Variants in TNRC6C observed in about 807,000 individuals in gnomAD.
TNRC6C encodes the protein trinucleotide repeat-containing gene 6C protein.
In TNRC6C, 20 loss-of-function variants were observed where a neutral mutation model predicts 153.7. The observed-to-expected ratio is 0.13, with a 90% confidence interval of 0.09 to 0.19. The LOEUF (loss-of-function observed/expected upper bound fraction) is 0.19. Ranked by LOEUF, TNRC6C falls within the 10% of genes least tolerant of loss-of-function variation. The probability of loss-of-function intolerance (pLI) is 1.00; values close to 1 mark genes in which losing one functional copy is unlikely to be tolerated. For missense variants in TNRC6C, 1,987 were observed against 2,172.0 expected (o/e 0.91, Z 1.69); for synonymous variants, 811 against 841.4 (o/e 0.96, Z 0.63).
At chr17:78,006,368 G>T (rs559544872) in intron 1 of TNRC6C, among the ~76,000 whole-genome samples, 16 of 152,310 alleles carry the variant, frequency 1.1e-4, no homozygotes, top group African/African-American at 3.6e-4. Context: ...GGTCCAAAAG[G>T]TTTATGGTAC....
intron 1 of TNRC6C, among the ~76,000 whole-genome samples, chr17:78,008,112 G>A (rs1302377159): frequency 6.6e-6 from 1 of 152,108 alleles, no homozygotes; most frequent in Admixed American, 6.6e-5. Context: ...TTAAAAAAAT[G>A]TTTGCATCTG....
At chr17:78,068,706 A>C (rs1290395912) in intron 5 of TNRC6C, among the ~76,000 whole-genome samples, 1 of 152,150 alleles carries the variant, frequency 6.6e-6, no homozygotes, top group African/African-American at 2.4e-5. Flanking sequence ...AGGCAAGAGA[A>C]TTGCTTAAAC....
chr17:77,960,491 G>T (rs1360893897), intron 1 of TNRC6C, among the ~76,000 whole-genome samples: 1 of 152,214 alleles, frequency 6.6e-6, no homozygotes, highest in Non-Finnish European at 1.5e-5. Flanking sequence ...CCTGCAGTTG[G>T]AATTGAATAA....
intron 1 of TNRC6C, among the ~76,000 whole-genome samples, chr17:77,991,643 C>T (rs994651961): frequency 6.6e-6 from 1 of 152,122 alleles, no homozygotes; most frequent in Non-Finnish European, 1.5e-5. Context: ...AGGAGAGAAA[C>T]ATCTTGAGCA....
exon 15 of TNRC6C, chr17:78,093,059 G>A (rs1460024963): frequency 6.2e-7 from 1 of 1,613,714 alleles, no homozygotes; most frequent in Non-Finnish European, 8.5e-7. Flanking sequence ...GTTCCCCATA[G>A]CTGGTCACGT....
chr17:78,045,367 G>T (rs757523148), intron 2 of TNRC6C, among the ~76,000 whole-genome samples: 1 of 152,064 alleles, frequency 6.6e-6, no homozygotes, highest in Non-Finnish European at 1.5e-5. Flanking sequence ...CAGCTATTGG[G>T]GATGGATATT....
At chr17:77,987,565 CAG>C (rs1567902401) in intron 1 of TNRC6C, among the ~76,000 whole-genome samples, 1 of 152,144 alleles carries the variant, frequency 6.6e-6, no homozygotes, top group Non-Finnish European at 1.5e-5. Context: ...GTGATAAAAA[CAG>C]TGTCAAATGG....
intron 1 of TNRC6C, among the ~76,000 whole-genome samples, chr17:78,027,566 A>G (rs1205358168): frequency 2.0e-5 from 3 of 152,302 alleles, no homozygotes; most frequent in East Asian, 3.9e-4. Flanking sequence ...TTGGGCCTTC[A>G]TATCTACTTT....
chr17:78,060,506 T>A (rs1439438989), intron 3 of TNRC6C, among the ~76,000 whole-genome samples: 2 of 143,250 alleles, frequency 1.4e-5, no homozygotes, highest in Admixed American at 1.4e-4. Context: ...GAGTCTTAAC[T>A]CTGTCGCCCA....
chr17:78,078,330 T>C (rs2073119955), intron 9 of TNRC6C, among the ~76,000 whole-genome samples: 1 of 152,202 alleles, frequency 6.6e-6, no homozygotes. Context: ...AGCTGTGCAA[T>C]ACCTTACCTC....
intron 17 of TNRC6C, among the ~76,000 whole-genome samples, chr17:78,099,588 C>T (rs1289414524): frequency 6.6e-6 from 1 of 152,128 alleles, no homozygotes; most frequent in African/African-American, 2.4e-5. Context: ...AAAGACCTGC[C>T]CCCATGATTC....
rs1466581333 is a variant in TNRC6C, at chr17:78,075,282, T to G, written c.3060+4T>G. Reference sequence around the variant, plus strand: ...CCGCCCCACCTTTCTTGACAAGGTATGAATATAGGTGGTTTGTTGTTTTTG... The same window carrying G: ...CCGCCCCACCTTTCTTGACAAGGTAGGAATATAGGTGGTTTGTTGTTTTTG... On this transcript the variant is annotated splice_donor_region_variant and intron_variant, in intron 8 of 19. Transcript: ENST00000301624. The surrounding 1 kb of genome is among the most constrained non-coding windows in gnomAD (Gnocchi z 4.2). 16 of 1,577,440 alleles carry G rather than the reference T, an allele frequency of 1.0e-5. No homozygotes were observed. Among genetic ancestry groups the G allele is most frequent in the Non-Finnish European group, 1.4e-5 (16 of 1,160,548 alleles).
At chr17:78,056,865 T>TTTTTTTTTTTTTTTTTTTTTTTG (rs1439622578) in intron 3 of TNRC6C, among the ~76,000 whole-genome samples, 1 of 151,882 alleles carries the variant, frequency 6.6e-6, no homozygotes, top group Non-Finnish European at 1.5e-5. Context: ...AATTCTCTTT[T>TTTTTTTTTTTTTTTTTTTTTTTG]ATATGAAAAA....
At chr17:78,008,173 C>T (rs931998645) in intron 1 of TNRC6C, among the ~76,000 whole-genome samples, 4 of 152,072 alleles carry the variant, frequency 2.6e-5, no homozygotes, top group South Asian at 2.1e-4. Flanking sequence ...AGACTAATGC[C>T]GAACTGAAGC....
intron 1 of TNRC6C, among the ~76,000 whole-genome samples, chr17:78,030,155 T>C (rs1027628207): frequency 1.3e-5 from 2 of 152,234 alleles, no homozygotes; most frequent in Admixed American, 6.5e-5. Context: ...CTAGACTTTT[T>C]TTTTTGTTTT....
upstream of TNRC6C, chr17:77,959,162 C>A (rs2070838881): frequency 6.9e-6 from 1 of 145,506 alleles, no homozygotes; most frequent in South Asian, 1.8e-4. Context: ...CCCCCGCCGC[C>A]CGCGCACTCC....
Position 78,048,153 on chromosome 17 carries a change from A to AT in TNRC6C, c.-218-680dup, listed in dbSNP as rs61356080. 2.7e-3 allele frequency among the ~76,000 whole-genome samples: 402 copies of AT among 148,090 alleles called. 1 individual carries two copies. Among genetic ancestry groups the AT allele is most frequent in the African/African-American group, 6.9e-3 (283 of 40,876 alleles). On this transcript the variant is annotated intron_variant, in intron 2 of 19. Coordinates refer to ENST00000301624, the Ensembl canonical transcript of TNRC6C. ...TTTTAGTGATGTCCTTGAGCTACAGATTTTTTTTTTTTATTATGAATGTGC... is the reference window on the plus strand; with the variant it reads ...TTTTAGTGATGTCCTTGAGCTACAGATTTTTTTTTTTTTATTATGAATGTGC...
At chr17:78,069,065 T>A (rs2072939361) in intron 5 of TNRC6C, among the ~76,000 whole-genome samples, 1 of 152,160 alleles carries the variant, frequency 6.6e-6, no homozygotes, top group Non-Finnish European at 1.5e-5. Context: ...TTTTTTTGTG[T>A]CAATAGATAA....
intron 17 of TNRC6C, among the ~76,000 whole-genome samples, chr17:78,099,724 G>A (rs915799373): frequency 2.9e-4 from 44 of 152,142 alleles, no homozygotes; most frequent in African/African-American, 1.0e-3. Flanking sequence ...CAAATCTCAT[G>A]TCCTCACATT....
Sources: allele counts gnomAD v4.1 joint callset (sites outside exome capture counted in the v4.1 genomes callset), GRCh38; gene constraint gnomAD v4.1.1; non-coding constraint Gnocchi (gnomAD v3.1); transcripts MANE v1.5; gene names NCBI Gene and HGNC (gene_info 2026-07-23, HGNC 2026-07-21).